The following ZNF618 variants were observed in gnomAD, a reference collection of about 807,000 sequenced individuals.
ZNF618 encodes neural precursor cell expressed, developmentally down-regulated 10.
In ZNF618, 34 loss-of-function variants were observed where a neutral mutation model predicts 103.0. The ratio of observed to expected loss-of-function variants is 0.33; its 90% confidence interval spans 0.25 to 0.44. ZNF618 has a LOEUF of 0.44. Ranked by LOEUF, ZNF618 falls within the 20% of genes least tolerant of loss-of-function variation. The pLI is 1.00. For synonymous variants in ZNF618, 551 were observed against 542.2 expected, an observed-to-expected ratio of 1.02 and a Z score of -0.23; for missense variants, 1,059 against 1,295.4, an observed-to-expected ratio of 0.82 and a Z score of 2.80.
chr9:113,988,976 C>T (rs919915917), intron 3 of ZNF618, among the ~76,000 whole-genome samples: 3 of 152,184 alleles, frequency 2.0e-5, no homozygotes, highest in Admixed American at 1.3e-4. Flanking sequence ...CTGCTCAGAG[C>T]AGTACCCCAT....
chr9:113,924,223 T>C (rs973248062), intron 1 of ZNF618, among the ~76,000 whole-genome samples: 1 of 152,042 alleles, frequency 6.6e-6, no homozygotes, highest in Non-Finnish European at 1.5e-5. Context: ...TTAGATGATA[T>C]GTTTCTCCTT....
At chr9:113,893,116 G>C (rs1345789020) in intron 1 of ZNF618, among the ~76,000 whole-genome samples, 1 of 152,212 alleles carries the variant, frequency 6.6e-6, no homozygotes, top group Admixed American at 6.5e-5. Flanking sequence ...GACTCGCCTT[G>C]TTAGCTAGAC....
intron 5 of ZNF618, among the ~76,000 whole-genome samples, chr9:114,002,299 C>A (rs1369762414): frequency 1.2e-4 from 18 of 152,164 alleles, no homozygotes; most frequent in Non-Finnish European, 4.4e-5. Context: ...ACACACCAGA[C>A]CTGCGCCCAA....
chr9:113,997,564 G>A (rs1840741336), intron 3 of ZNF618, among the ~76,000 whole-genome samples: 1 of 152,218 alleles, frequency 6.6e-6, no homozygotes, highest in Non-Finnish European at 1.5e-5. Context: ...TTGTGAGGAT[G>A]AACTGAGCTG....
At chr9:113,954,016 T>G (rs1284647820) in intron 1 of ZNF618, among the ~76,000 whole-genome samples, 1 of 152,180 alleles carries the variant, frequency 6.6e-6, no homozygotes, top group Non-Finnish European at 1.5e-5. Flanking sequence ...GGAAGGGCCC[T>G]TCCTTTCTTT....
intron 1 of ZNF618, among the ~76,000 whole-genome samples, chr9:113,914,370 A>G (rs1313684780): frequency 6.6e-6 from 1 of 152,132 alleles, no homozygotes; most frequent in Non-Finnish European, 1.5e-5. Flanking sequence ...CGCAGGATAT[A>G]GGCACCTTGG....
rs746492708 is a variant in ZNF618, at chr9:114,047,906, C to G, written c.1260C>G (p.Asn420Lys). 10 of 1,601,082 alleles carry G rather than the reference C, an allele frequency of 6.2e-6. No individual in the cohort carries two copies. Among genetic ancestry groups the G allele is most frequent in the Non-Finnish European group, 6.8e-6 (8 of 1,173,938 alleles). The change falls in exon 14 of 15, where the codon AAC becomes AAG. Residue 420 changes from asparagine (N) to lysine (K), a missense_variant. Around this residue, in one of 6 missense-constraint regions of ZNF618, gnomAD observed 434 missense variants for 476.0 expected, o/e 0.91. Transcript: ENST00000374126. ...TTGTGCCCACAGCTGACAATGAAAA[C>G]AACATTGCCTCCAACCAGTCCCGAT... ...HMQSHAADNE[N>K]NIASNQSRSP...
intron 1 of ZNF618, among the ~76,000 whole-genome samples, chr9:113,894,067 A>C (rs1829838355): frequency 6.6e-6 from 1 of 152,350 alleles, no homozygotes; most frequent in East Asian, 1.9e-4. Context: ...TGTCAATTTC[A>C]TATCTATCCT....
chr9:113,914,363 A>G lies in ZNF618; in HGVS notation c.33+37950A>G, dbSNP rs1238373951. ...TCTGGCAGCCAGGCCTTCAAGACGCAGGATATAGGCACCTTGGGGCTCTCC... is the reference window on the plus strand; with the variant it reads ...TCTGGCAGCCAGGCCTTCAAGACGCGGGATATAGGCACCTTGGGGCTCTCC... On this transcript the variant is annotated intron_variant, in intron 1 of 14. Transcript: ENST00000374126. Among the ~76,000 whole-genome samples, 3 of 152,144 alleles carry G rather than the reference A, an allele frequency of 2.0e-5. No homozygotes were observed. The East Asian group carries it at 5.8e-4, about 29-fold the overall frequency.
chr9:113,884,707 C>T (rs1335731289), intron 1 of ZNF618, among the ~76,000 whole-genome samples: 1 of 151,312 alleles, frequency 6.6e-6, no homozygotes, highest in Non-Finnish European at 1.5e-5. Context: ...TCCTTATCGA[C>T]ACACACACAC....
chr9:114,014,674 A>G (rs1842514821), intron 9 of ZNF618, among the ~76,000 whole-genome samples: 1 of 152,254 alleles, frequency 6.6e-6, no homozygotes, highest in Non-Finnish European at 1.5e-5. Flanking sequence ...AAACTAATAA[A>G]ACGGAATAAT....
At chr9:113,940,814 T>C (rs1834477913) in intron 1 of ZNF618, among the ~76,000 whole-genome samples, 1 of 152,190 alleles carries the variant, frequency 6.6e-6, no homozygotes, top group South Asian at 2.1e-4. Flanking sequence ...TATTTTAGCC[T>C]TTCTGACTCT....
intron 2 of ZNF618, among the ~76,000 whole-genome samples, chr9:113,977,721 T>C (rs893805809): frequency 6.6e-6 from 1 of 152,212 alleles, no homozygotes; most frequent in African/African-American, 2.4e-5. Flanking sequence ...TTAACACTGC[T>C]TCTCCTTAAC....
chr9:113,878,054 G>C (rs1828124904), intron 1 of ZNF618, among the ~76,000 whole-genome samples: 1 of 151,950 alleles, frequency 6.6e-6, no homozygotes, highest in Admixed American at 6.6e-5. Flanking sequence ...AAAAAATTTA[G>C]ATTGGTTTCA....
At chr9:113,887,115 C>T (rs1414431553) in intron 1 of ZNF618, among the ~76,000 whole-genome samples, 4 of 151,444 alleles carry the variant, frequency 2.6e-5, no homozygotes, top group Non-Finnish European at 5.9e-5. Flanking sequence ...AGTGGAACCC[C>T]GGAGAGGGCA....
chr9:113,998,186 A>G, intron 3 of ZNF618, 73 bp from the exon 4 acceptor site: 12 of 1,399,024 alleles, frequency 8.6e-6, no homozygotes, highest in African/African-American at 1.4e-5. Flanking sequence ...AGTGCAGCCA[A>G]CTTCGCCCCT....
At chr9:113,910,458 A>G (rs1831433278) in intron 1 of ZNF618, among the ~76,000 whole-genome samples, 1 of 152,174 alleles carries the variant, frequency 6.6e-6, no homozygotes. Context: ...TCCTGGAAAC[A>G]GTGACTTATT....
chr9:114,029,880 A>G (rs1362119229), intron 11 of ZNF618, among the ~76,000 whole-genome samples: 1 of 152,224 alleles, frequency 6.6e-6, no homozygotes, highest in African/African-American at 2.4e-5. Flanking sequence ...TCCTCCAGAA[A>G]AACTGGCCAG....
At chr9:113,990,014 C>CTT (rs1346638502) in intron 3 of ZNF618, among the ~76,000 whole-genome samples, 4 of 152,256 alleles carry the variant, frequency 2.6e-5, no homozygotes, top group Non-Finnish European at 5.9e-5. Context: ...TAACCTGAAC[C>CTT]TTCTAGCCCC....
Sources: gnomAD v4.1 joint callset for allele counts (sites outside exome capture counted in the v4.1 genomes callset) on GRCh38, gnomAD v4.1.1 for gene constraint, gnomAD v4.1.1 regional missense constraint, MANE v1.5 for transcripts, NCBI Gene and HGNC (gene_info 2026-07-23, HGNC 2026-07-21) for gene names.